Variants in ADGRB3 observed in about 807,000 individuals in gnomAD.
The protein encoded by ADGRB3 is adhesion G protein-coupled receptor B3.
In ADGRB3, 37 loss-of-function variants were observed where a neutral mutation model predicts 193.4. The ratio of observed to expected loss-of-function variants is 0.19; its 90% CI spans 0.15 to 0.25. ADGRB3 has a LOEUF of 0.25. Among genes scored for constraint, ADGRB3 ranks in the 10% least tolerant of loss-of-function variants. ADGRB3 has a pLI of 1.00. For synonymous variants in ADGRB3, 690 were observed against 644.2 expected (o/e 1.07, Z -1.08); for missense variants, 1,637 against 1,852.9 (o/e 0.88, Z 2.14).
At chr6:68,978,469 C>A (rs1474329400) in intron 10 of ADGRB3, among the ~76,000 whole-genome samples, 1 of 151,444 alleles carries the variant, frequency 6.6e-6, no homozygotes, top group Non-Finnish European at 1.5e-5. Context: ...ATACACAAAT[C>A]TAGGGCTTGC....
intron 3 of ADGRB3, among the ~76,000 whole-genome samples, chr6:68,832,182 TAAACATACTTGTGTAGA>T (rs1767968678): frequency 6.6e-6 from 1 of 152,162 alleles, no homozygotes; most frequent in Non-Finnish European, 1.5e-5. Flanking sequence ...ATTGTTGACA[TAAACATACTTGTGTAGA>T]AAGACATTCA....
In ADGRB3 at chr6:69,069,553, C is replaced by CAAAAAAAAAAAAAAAAAAAAAAAAAAA. The variant is rs57616226; in HGVS notation, c.2437-6440_2437-6414dup. On this transcript the variant is annotated intron_variant, in intron 16 of 31. Coordinates refer to ENST00000370598, the MANE Select transcript of ADGRB3 (RefSeq NM_001704.3). ...TGAAACCCCGTCTCTACTAAAAATACAAAAAAAAAAAAAAAAAAAAAAAAA... is the reference window on the plus strand; with the variant it reads ...TGAAACCCCGTCTCTACTAAAAATACAAAAAAAAAAAAAAAAAAAAAAAAAAAAAAAAAAAAAAAAAAAAAAAAAAAA... Among the ~76,000 whole-genome samples the CAAAAAAAAAAAAAAAAAAAAAAAAAAA allele has an allele frequency of 2.5e-4, 8 of 31,780 alleles. 2 individuals are homozygous for CAAAAAAAAAAAAAAAAAAAAAAAAAAA. The highest frequency in any genetic ancestry group is 2.4e-3 in the East Asian group (1 of 420). The allele number at this position is 31,780 out of a possible 152,430, so 20.8% of individuals were successfully genotyped here.
At chr6:68,997,241 C>A (rs998704428) in intron 11 of ADGRB3, among the ~76,000 whole-genome samples, 6 of 152,018 alleles carry the variant, frequency 3.9e-5, no homozygotes, top group African/African-American at 1.2e-4. Context: ...CATACACAGG[C>A]ACATACAAAT....
intron 3 of ADGRB3, among the ~76,000 whole-genome samples, chr6:68,793,179 T>C (rs1246995059): frequency 6.6e-6 from 1 of 152,182 alleles, no homozygotes; most frequent in Non-Finnish European, 1.5e-5. Context: ...TTCGTGTACA[T>C]GTCCTGTAAA....
intron 26 of ADGRB3, among the ~76,000 whole-genome samples, chr6:69,340,200 A>C (rs1427081530): frequency 2.6e-5 from 4 of 152,192 alleles, no homozygotes; most frequent in African/African-American, 9.6e-5. Flanking sequence ...AATAAGTCAT[A>C]TTTCATGAAT....
At chr6:68,857,394 A>T (rs887856104) in intron 3 of ADGRB3, among the ~76,000 whole-genome samples, 3 of 152,218 alleles carry the variant, frequency 2.0e-5, no homozygotes, top group Non-Finnish European at 4.4e-5. Flanking sequence ...ACAGGAGCAG[A>T]CTGCCCAAGA....
chr6:69,347,703 T>G (rs1769131694), intron 26 of ADGRB3, among the ~76,000 whole-genome samples: 2 of 152,058 alleles, frequency 1.3e-5, no homozygotes, highest in African/African-American at 4.8e-5. Flanking sequence ...TAGGGTTGTT[T>G]GAGCTCAGGA....
At chr6:68,848,945 T>C (rs571690836) in intron 3 of ADGRB3, among the ~76,000 whole-genome samples, 1 of 152,174 alleles carries the variant, frequency 6.6e-6, no homozygotes, top group East Asian at 1.9e-4. Context: ...TTTTAATGTA[T>C]CTTCTCAGTT....
intron 20 of ADGRB3, among the ~76,000 whole-genome samples, chr6:69,245,450 C>G (rs902613024): frequency 6.6e-6 from 1 of 151,962 alleles, no homozygotes; most frequent in African/African-American, 2.4e-5. Flanking sequence ...AGGAATAAAT[C>G]GTACAAGAGA....
intron 13 of ADGRB3, among the ~76,000 whole-genome samples, chr6:69,040,780 A>G (rs1025654805): frequency 6.6e-6 from 1 of 151,706 alleles, no homozygotes; most frequent in Non-Finnish European, 1.5e-5. Flanking sequence ...TGCTAAAAGG[A>G]ATATGCAAAA....
chr6:68,726,915 A>T (rs1765684436), intron 3 of ADGRB3, among the ~76,000 whole-genome samples: 2 of 151,570 alleles, frequency 1.3e-5, no homozygotes, highest in Non-Finnish European at 3.0e-5. Flanking sequence ...TGGGGGCTGC[A>T]GTTTCCTCAT....
intron 3 of ADGRB3, among the ~76,000 whole-genome samples, chr6:68,873,665 AT>A (rs1168062019): frequency 6.6e-6 from 1 of 152,140 alleles, no homozygotes; most frequent in Non-Finnish European, 1.5e-5. Context: ...ACCTTAAATT[AT>A]TGACTATGAA....
intron 20 of ADGRB3, among the ~76,000 whole-genome samples, chr6:69,322,508 G>A (rs934171205): frequency 2.0e-5 from 3 of 151,802 alleles, no homozygotes; most frequent in Non-Finnish European, 4.4e-5. Context: ...AACCTCAGCA[G>A]CATTTGTCAC....
intron 24 of ADGRB3, among the ~76,000 whole-genome samples, chr6:69,337,131 A>T (rs2127318137): frequency 1.3e-5 from 2 of 152,320 alleles, no homozygotes; most frequent in Admixed American, 1.3e-4. Context: ...AAATACTTAC[A>T]CTATGTACTT....
At chr6:68,653,422 C>T (rs1391385847) in intron 3 of ADGRB3, among the ~76,000 whole-genome samples, 2 of 151,894 alleles carry the variant, frequency 1.3e-5, no homozygotes, top group African/African-American at 4.8e-5. Context: ...GTTCTGTAAT[C>T]CAGATGTAAT....
At chr6:68,930,463 T>C in intron 3 of ADGRB3, 96 bp from the exon 4 acceptor site, 1 of 654,284 alleles carries the variant, frequency 1.5e-6, no homozygotes, top group South Asian at 3.6e-5. Flanking sequence ...ATAATTATCT[T>C]CTAGGTATGT....
chr6:69,010,651 G>A (rs1769903634), intron 11 of ADGRB3, among the ~76,000 whole-genome samples: 1 of 151,692 alleles, frequency 6.6e-6, no homozygotes, highest in Admixed American at 6.6e-5. Context: ...TAACCATACA[G>A]TTAATAATTG....
At chr6:68,807,711 T>C (rs942217199) in intron 3 of ADGRB3, among the ~76,000 whole-genome samples, 19 of 152,218 alleles carry the variant, frequency 1.2e-4, no homozygotes, top group African/African-American at 4.1e-4. Context: ...CATTTGAAAA[T>C]GTTTACATAT....
At chr6:69,039,415 T>G (rs1734210617) in intron 13 of ADGRB3, among the ~76,000 whole-genome samples, 1 of 152,078 alleles carries the variant, frequency 6.6e-6, no homozygotes, top group African/African-American at 2.4e-5. Context: ...CCTCTGTGGA[T>G]AAGGGGAGGG....
Sources: gnomAD v4.1 joint callset for allele counts (sites outside exome capture counted in the v4.1 genomes callset) on GRCh38, gnomAD v4.1.1 for gene constraint, MANE v1.5 for transcripts, NCBI Gene and HGNC (gene_info 2026-07-23, HGNC 2026-07-21) for gene names.